The following GAB4 variants were observed in gnomAD, a reference collection of about 807,000 sequenced individuals.
The protein encoded by GAB4 is GRB2 associated binding protein family member 4, also known as GRB2-associated-binding protein 4.
GAB4 carries 26 observed loss-of-function variants against 51.3 expected under a neutral mutation model. The observed-to-expected ratio is 0.51, with a 90% CI of 0.37 to 0.70. The LOEUF (loss-of-function observed/expected upper bound fraction) is 0.70, where lower values mean the gene tolerates loss of function less well. GAB4 is among the 30% of genes least tolerant of loss of function. The pLI is 0.00. For missense variants in GAB4, 759 were observed against 734.6 expected, an observed-to-expected ratio of 1.03 and a Z score of -0.38; for synonymous variants, 329 against 291.2, an observed-to-expected ratio of 1.13 and a Z score of -1.32.
Position 16,998,511 on chromosome 22 carries a change from G to A in GAB4, c.175-6335C>T, listed in dbSNP as rs886596663. On this transcript the variant is annotated intron_variant, in intron 1 of 9. Coordinates refer to ENST00000400588, the MANE Select transcript of GAB4 (RefSeq NM_001037814.1). ...CATTGATTTTGTATCCTAAGACTTG[G>A]CTGAAGTTGCTTATCAGCTTAAGGA... 9.8e-5 allele frequency among the ~76,000 whole-genome samples: 15 copies of A among 152,306 alleles called. No individual in the cohort carries two copies. In the East Asian group the frequency reaches 2.9e-3, roughly 29 times the overall value.
rs757242657 is a variant in GAB4 at position 17,008,037 on chromosome 22, G to C, written c.78C>G (p.Pro26=). The part of the protein sequence containing the change: ...DPAFAPLSSW[P]GSGPAGGSTR... ...TGCTTCCGCCGGCGGGGCCACTTCC[G>C]GGCCACGAAGACAAAGGCGCAAATG... Residue 26 remains proline, a synonymous_variant, in exon 1 of 10, where the codon CCC becomes CCG. Coordinates refer to ENST00000400588, the MANE Select transcript of GAB4 (RefSeq NM_001037814.1). 5 of 1,608,054 alleles carry C rather than the reference G, an allele frequency of 3.1e-6. No homozygotes were observed. In the Admixed American group the frequency reaches 5.1e-5, roughly 16 times the overall value.
rs568143441 is a variant in GAB4 at position 16,975,251 on chromosome 22, G to A, written c.687-5058C>T. On this transcript the variant is annotated intron_variant, in intron 3 of 9. Coordinates refer to ENST00000400588, the MANE Select transcript of GAB4 (RefSeq NM_001037814.1). ...ACCCCCATGGAGACCAGCAAGCTAA[G>A]ATCCACTGGCTTGAAATTCTCGCTG... Among the ~76,000 whole-genome samples, 12 of 152,332 alleles carry A rather than the reference G, an allele frequency of 7.9e-5. No individual in the cohort carries two copies. In the South Asian group the frequency reaches 2.5e-3, roughly 32 times the overall value.
chr22:16,981,722 T>C (rs890053523), intron 3 of GAB4, among the ~76,000 whole-genome samples: 2 of 152,144 alleles, frequency 1.3e-5, no homozygotes, highest in Non-Finnish European at 2.9e-5. Context: ...TCTCAAACTA[T>C]TCCAAAATGT....
chr22:17,007,919 C>T, intron 1 of GAB4, 22 bp downstream of exon 1: 1 of 1,459,398 alleles, frequency 6.9e-7, no homozygotes, highest in Non-Finnish European at 9.0e-7. Flanking sequence ...GCTCCTGGTA[C>T]CGCCCCCACT....
chr22:17,007,524 G>A (rs1048138449), intron 1 of GAB4, among the ~76,000 whole-genome samples: 2 of 151,354 alleles, frequency 1.3e-5, no homozygotes, highest in Non-Finnish European at 2.9e-5. Context: ...GGGAAGGTGA[G>A]CAGGTTTAAG....
chr22:16,968,518 T>C (rs908652569), intron 4 of GAB4, 135 bp from the exon 5 acceptor site: 19 of 676,128 alleles, frequency 2.8e-5, no homozygotes, highest in Admixed American at 8.3e-5. Flanking sequence ...TGACAAAGCG[T>C]TACCTCTAAC....
intron 3 of GAB4, among the ~76,000 whole-genome samples, chr22:16,970,576 C>T (rs1216042016): frequency 6.6e-6 from 1 of 152,150 alleles, no homozygotes; most frequent in Non-Finnish European, 1.5e-5. Flanking sequence ...GGTACACTGG[C>T]TACTGGTTCC....
chr22:16,965,003 C>G (rs2060660368), intron 7 of GAB4, 141 bp from the exon 8 acceptor site: 1 of 747,098 alleles, frequency 1.3e-6, no homozygotes, highest in Non-Finnish European at 2.2e-6. Flanking sequence ...GGACAGGGAT[C>G]ATTATTCCCC....
intron 6 of GAB4, 55 bp downstream of exon 6, chr22:16,966,045 A>C: frequency 6.5e-7 from 1 of 1,544,416 alleles, no homozygotes; most frequent in Non-Finnish European, 8.9e-7. Context: ...CCTGACACCT[A>C]AGCGAATGCA....
At chr22:16,985,156 T>C (rs1425341008) in intron 3 of GAB4, among the ~76,000 whole-genome samples, 2 of 152,194 alleles carry the variant, frequency 1.3e-5, no homozygotes, top group Non-Finnish European at 2.9e-5. Context: ...TCCTAAGTCC[T>C]TTACCAGGGT....
chr22:17,001,964 G>T (rs1569112740), intron 1 of GAB4, among the ~76,000 whole-genome samples: 2 of 152,220 alleles, frequency 1.3e-5, no homozygotes, highest in African/African-American at 4.8e-5. Flanking sequence ...CCCCGAGCCA[G>T]GTGTGGGATA....
intron 3 of GAB4, among the ~76,000 whole-genome samples, chr22:16,973,833 T>C (rs61450333): frequency 0.02 from 3,049 of 152,296 alleles, 102 homozygotes; most frequent in African/African-American, 0.07. Flanking sequence ...CATCAGAACA[T>C]GGACCTTGCT....
chr22:16,989,399 G>A (rs2060895172), intron 2 of GAB4, among the ~76,000 whole-genome samples: 1 of 152,232 alleles, frequency 6.6e-6, no homozygotes, highest in Non-Finnish European at 1.5e-5. Flanking sequence ...CCTGAGGCAG[G>A]AACCCCAGCT....
intron 1 of GAB4, among the ~76,000 whole-genome samples, chr22:17,002,158 T>G (rs1400102414): frequency 1.3e-5 from 2 of 152,148 alleles, no homozygotes; most frequent in Non-Finnish European, 2.9e-5. Flanking sequence ...ACCCACTGTC[T>G]GACAAGCCCC....
Position 16,964,767 on chromosome 22 carries a change from G to T in GAB4, c.1475C>A (p.Pro492Gln). 1 of 1,609,286 alleles carries T rather than the reference G, an allele frequency of 6.2e-7. No homozygotes were observed. The highest frequency in any genetic ancestry group is 8.5e-7 in the Non-Finnish European group (1 of 1,175,726). Residue 492 changes from proline to glutamine, a missense_variant and splice_region_variant, in exon 8 of 10, where the codon CCG becomes CAG. Physicochemically the swap from Pro to Gln is moderately conservative, Grantham distance 76. Coordinates refer to ENST00000400588, the MANE Select transcript of GAB4 (RefSeq NM_001037814.1). The part of the protein sequence containing the change: ...SEDSGERYLF[P>Q]NPASAFPVSG... Reference sequence around the variant, plus strand: ...TTACAGTGACCCCCAAGGACTCACCGGGAAAAGATACCTCTCTCCACTGTC... The same window carrying T: ...TTACAGTGACCCCCAAGGACTCACCTGGAAAAGATACCTCTCTCCACTGTC...
chr22:16,992,103 T>C lies in GAB4; in HGVS notation c.248A>G (p.Lys83Arg). Residue 83 changes from lysine (K) to arginine (R), a missense_variant, in exon 2 of 10, where the codon AAG (lysine) becomes AGG (arginine). This residue lies in a region of GAB4 where 88 missense variants were observed against 151.3 expected (regional missense o/e 0.58). Transcript: ENST00000400588. ...CAGGGGCTTCTTGGAGCCATCATTC[T>C]TGTAGTATTCCAGAACATCTGGGTC... ...SSDPDVLEYYKNDGSKKPLRT... is the reference protein window; with the variant it reads ...SSDPDVLEYYRNDGSKKPLRT... The C allele has an allele frequency of 6.2e-7, 1 of 1,614,222 alleles. No homozygotes were observed. Among genetic ancestry groups the C allele is most frequent in the Non-Finnish European group, 8.5e-7 (1 of 1,180,028 alleles).
Position 16,988,022 on chromosome 22 carries a change from G to T in GAB4, c.624C>A (p.Ile208=). 6.2e-7 allele frequency: 1 copy of T among 1,609,790 alleles called. No individual in the cohort carries two copies. The highest frequency in any genetic ancestry group is 8.5e-7 in the Non-Finnish European group (1 of 1,178,614). ...VSHCVPPTWP[I]PAPPGCLRSH... The stretch of plus-strand genomic sequence containing the variant: ...AGCGGAGACACCCCGGAGGTGCAGG[G>T]ATGGGCCAGGTGGGCGGCACACAGT... Residue 208 remains isoleucine, a synonymous_variant, in exon 3 of 10, where the codon ATC becomes ATA. Transcript: ENST00000400588.
intron 3 of GAB4, among the ~76,000 whole-genome samples, chr22:16,972,327 C>A (rs926965932): frequency 3.3e-5 from 5 of 152,212 alleles, no homozygotes; most frequent in African/African-American, 1.2e-4. Context: ...GCAAAGCCTT[C>A]CATCTGAGTG....
chr22:16,968,388 G>T lies in GAB4; in HGVS notation c.938-5C>A, dbSNP rs770936963. 6 of 1,610,904 alleles carry T rather than the reference G, an allele frequency of 3.7e-6. No homozygotes were observed. The highest frequency in any genetic ancestry group is 3.4e-6 in the Non-Finnish European group (4 of 1,177,088). On this transcript the variant is annotated splice_region_variant and splice_polypyrimidine_tract_variant and intron_variant, in intron 4 of 9. Coordinates refer to ENST00000400588, the MANE Select transcript of GAB4 (RefSeq NM_001037814.1). ...GGGTGTACTTGCCGGAGGAAGCTAC[G>T]ACAGAGGAAGGAGATCCACATGCAT...
Sources: allele counts gnomAD v4.1 joint callset (sites outside exome capture counted in the v4.1 genomes callset), GRCh38; gene constraint gnomAD v4.1.1; regional missense constraint gnomAD v4.1.1; transcripts MANE v1.5; gene names NCBI Gene and HGNC (gene_info 2026-07-23, HGNC 2026-07-21).